The following STK32C variants were observed in gnomAD, a reference collection of about 807,000 sequenced individuals.
STK32C encodes serine/threonine kinase 32C, also known as serine/threonine-protein kinase 32C.
STK32C carries 31 observed loss-of-function variants against 56.5 expected under a neutral mutation model. The observed-to-expected ratio is 0.55, with a 90% CI of 0.41 to 0.74. The LOEUF is 0.74. Ranked by LOEUF, STK32C falls within the 30% of genes least tolerant of loss-of-function variation. The pLI is 0.00. For synonymous variants in STK32C, 309 were observed against 289.4 expected, an observed-to-expected ratio of 1.07 and a Z score of -0.69; for missense variants, 544 against 676.9, an observed-to-expected ratio of 0.80 and a Z score of 2.18.
intron 1 of STK32C, among the ~76,000 whole-genome samples, chr10:132,328,920 A>C: frequency 6.6e-6 from 1 of 152,248 alleles, no homozygotes; most frequent in South Asian, 2.1e-4. Flanking sequence ...AAAAGGCTGG[A>C]CGGAGGCTCC....
At chr10:132,300,428 C>A (rs1199919980) in intron 1 of STK32C, among the ~76,000 whole-genome samples, 2 of 152,110 alleles carry the variant, frequency 1.3e-5, no homozygotes, top group African/African-American at 2.4e-5. Context: ...TGGATGGAAT[C>A]TGGGGGGGAC....
intron 10 of STK32C, among the ~76,000 whole-genome samples, chr10:132,218,988 C>T (rs1290327506): frequency 6.6e-6 from 1 of 152,176 alleles, no homozygotes; most frequent in East Asian, 1.9e-4. Flanking sequence ...ATGAAACGCC[C>T]ACAACAGGCA....
intron 1 of STK32C, among the ~76,000 whole-genome samples, chr10:132,275,569 T>C (rs2064969518): frequency 6.6e-6 from 1 of 152,138 alleles, no homozygotes; most frequent in Non-Finnish European, 1.5e-5. Context: ...TTCTGGCCAC[T>C]CCGCCGACGT....
intron 1 of STK32C, among the ~76,000 whole-genome samples, chr10:132,288,912 A>G (rs1195204971): frequency 6.6e-6 from 1 of 152,208 alleles, no homozygotes; most frequent in Non-Finnish European, 1.5e-5. Context: ...CACAGTCTGA[A>G]TCAACATCTT....
chr10:132,307,996 C>T, upstream of STK32C: 1 of 765,238 alleles, frequency 1.3e-6, no homozygotes, highest in Non-Finnish European at 1.5e-6. The surrounding 1 kb of genome is among the most constrained non-coding windows in gnomAD (Gnocchi z 4.4). Context: ...GGGGGCGGGG[C>T]AGGGGCGGGG....
intron 1 of STK32C, among the ~76,000 whole-genome samples, chr10:132,253,172 A>G (rs1473640506): frequency 6.6e-6 from 1 of 152,248 alleles, no homozygotes; most frequent in African/African-American, 2.4e-5. Context: ...CAAAATAACC[A>G]AAGAAAAGGC....
At chr10:132,331,070 G>A (rs1165149299) in intron 1 of STK32C, among the ~76,000 whole-genome samples, 2 of 151,082 alleles carry the variant, frequency 1.3e-5, no homozygotes, top group Non-Finnish European at 2.9e-5. Flanking sequence ...ACGTGGTGGC[G>A]CGCGCCTGTA....
At chr10:132,331,714 G>A in exon 1 of STK32C, 3 of 1,612,610 alleles carry the variant, frequency 1.9e-6, no homozygotes, top group Non-Finnish European at 2.5e-6. Flanking sequence ...GGGCCCTCCG[G>A]CTCCCCAGAC....
chr10:132,248,595 G>A (rs961167452), intron 1 of STK32C, among the ~76,000 whole-genome samples: 2 of 152,242 alleles, frequency 1.3e-5, no homozygotes, highest in South Asian at 4.1e-4. Context: ...GCCCGTGGTC[G>A]GCACAGCCTT....
intron 1 of STK32C, among the ~76,000 whole-genome samples, chr10:132,248,382 G>C (rs1049093710): frequency 6.6e-6 from 1 of 152,228 alleles, no homozygotes; most frequent in African/African-American, 2.4e-5. Flanking sequence ...GCCCTGCAGT[G>C]GGGAGGGGAC....
At chr10:132,233,507 G>A (rs961924289) in intron 2 of STK32C, among the ~76,000 whole-genome samples, 11 of 152,210 alleles carry the variant, frequency 7.2e-5, no homozygotes, top group African/African-American at 2.7e-4. Flanking sequence ...GGCCATGGCT[G>A]GTGAAGTTAA....
intron 2 of STK32C, among the ~76,000 whole-genome samples, chr10:132,230,145 GAGGGC>G (rs1024198554): frequency 9.9e-5 from 15 of 152,104 alleles, no homozygotes; most frequent in Admixed American, 2.0e-4. Context: ...GCCGCCTTGG[GAGGGC>G]GGGGCGGGGC....
chr10:132,209,476 C>T, intron 10 of STK32C: 1 of 404,602 alleles, frequency 2.5e-6, no homozygotes, highest in Non-Finnish European at 4.8e-6. Context: ...ACAGCACACA[C>T]ACACCTGTCC....
intron 1 of STK32C, among the ~76,000 whole-genome samples, chr10:132,247,183 A>G (rs10870277): frequency 0.2 from 30,446 of 152,178 alleles, 3,543 homozygotes; most frequent in Non-Finnish European, 0.28. Context: ...TCTCATCTCC[A>G]CTGCTCCCTG....
intron 2 of STK32C, among the ~76,000 whole-genome samples, chr10:132,235,696 A>C (rs898296639): frequency 3.9e-5 from 6 of 152,052 alleles, no homozygotes; most frequent in Non-Finnish European, 7.4e-5. Flanking sequence ...AGTAAACAGC[A>C]AGGACAGGGC....
chr10:132,303,868 G>A (rs1335466624), intron 1 of STK32C, among the ~76,000 whole-genome samples: 1 of 152,142 alleles, frequency 6.6e-6, no homozygotes, highest in African/African-American at 2.4e-5. Context: ...CAGCTCCGCT[G>A]GCAGCAGGTG....
intron 10 of STK32C, among the ~76,000 whole-genome samples, chr10:132,220,129 C>T (rs1007230091): frequency 4.6e-5 from 7 of 152,214 alleles, no homozygotes; most frequent in Non-Finnish European, 8.8e-5. Flanking sequence ...GAGGTCTTTG[C>T]AGATATCATC....
At chr10:132,226,535 C>A (rs1294568448) in intron 4 of STK32C, among the ~76,000 whole-genome samples, 2 of 152,186 alleles carry the variant, frequency 1.3e-5, no homozygotes, top group African/African-American at 4.8e-5. Flanking sequence ...GTCTGTCCAC[C>A]AGGGCTAACA....
At chr10:132,238,395 A>G (rs922329574) in intron 2 of STK32C, among the ~76,000 whole-genome samples, 3 of 152,224 alleles carry the variant, frequency 2.0e-5, no homozygotes, top group Non-Finnish European at 2.9e-5. Flanking sequence ...CCGTGGGGCC[A>G]CACAGCAAAG....
Sources: gnomAD v4.1 joint callset for allele counts (sites outside exome capture counted in the v4.1 genomes callset) on GRCh38, gnomAD v4.1.1 for gene constraint, Gnocchi (gnomAD v3.1) non-coding constraint, MANE v1.5 for transcripts, NCBI Gene and HGNC (gene_info 2026-07-23, HGNC 2026-07-21) for gene names.